Variants in ERBB4 observed in about 807,000 individuals in gnomAD.
ERBB4 encodes erb-b2 receptor tyrosine kinase 4, also known as receptor tyrosine-protein kinase erbB-4.
A neutral mutation model predicts 158.0 loss-of-function variants in ERBB4; 42 were observed. The observed-to-expected ratio is 0.27, with a 90% CI of 0.21 to 0.34. ERBB4 has a LOEUF of 0.34. Ranked by LOEUF, ERBB4 falls within the 10% of genes least tolerant of loss-of-function variation. The pLI, the probability that ERBB4 is intolerant of heterozygous loss-of-function variation, is 1.00. For missense variants in ERBB4, 1,333 were observed against 1,624.1 expected, an observed-to-expected ratio of 0.82 and a Z score of 3.08; for synonymous variants, 583 against 558.7, an observed-to-expected ratio of 1.04 and a Z score of -0.61.
rs2062625538 is a variant in ERBB4, at chr2:211,383,838, T to G, written c.3704A>C (p.Lys1235Thr). 6.2e-7 allele frequency: 1 copy of G among 1,614,150 alleles called. No individual in the cohort carries two copies. Among genetic ancestry groups the G allele is most frequent in the East Asian group, 2.2e-5 (1 of 44,872 alleles). The change falls in exon 28 of 28, where the codon AAA (lysine) becomes ACA (threonine). Residue 1235 changes from lysine (K) to threonine (T), a missense_variant. Physicochemically the swap from Lys to Thr is moderately conservative, Grantham distance 78 (BLOSUM62 -1). Coordinates refer to ENST00000342788, the MANE Select transcript of ERBB4 (RefSeq NM_005235.3). The part of the protein sequence containing the change: ...NILSMPEKAK[K>T]AFDNPDYWNH... Reference sequence around the variant, plus strand: ...CCAGTAGTCAGGGTTGTCAAACGCTTTCTTGGCCTTCTCTGGCATTGACAG... The same window carrying G: ...CCAGTAGTCAGGGTTGTCAAACGCTGTCTTGGCCTTCTCTGGCATTGACAG...
At chr2:211,493,772 G>T (rs1249592460) in intron 20 of ERBB4, among the ~76,000 whole-genome samples, 2 of 151,960 alleles carry the variant, frequency 1.3e-5, no homozygotes, top group African/African-American at 2.4e-5. Context: ...TGTTAACTAG[G>T]TTAATAAATC....
intron 2 of ERBB4, among the ~76,000 whole-genome samples, chr2:212,058,787 A>G (rs2077663967): frequency 6.6e-6 from 1 of 152,214 alleles, no homozygotes; most frequent in African/African-American, 2.4e-5. Context: ...GATGGGACGT[A>G]TCTCAAAATA....
chr2:211,843,340 G>C, intron 3 of ERBB4, among the ~76,000 whole-genome samples: 1 of 151,908 alleles, frequency 6.6e-6, no homozygotes, highest in South Asian at 2.1e-4. Context: ...AAGAAGATGC[G>C]TCCTAGAGCT....
intron 20 of ERBB4, among the ~76,000 whole-genome samples, chr2:211,504,761 C>A (rs1327628688): frequency 6.6e-6 from 1 of 151,892 alleles, no homozygotes; most frequent in Non-Finnish European, 1.5e-5. Flanking sequence ...TTTTGAAAAG[C>A]CAAAGAGAAC....
At chr2:212,004,602 T>G (rs1430436126) in intron 2 of ERBB4, among the ~76,000 whole-genome samples, 1 of 152,160 alleles carries the variant, frequency 6.6e-6, no homozygotes, top group Non-Finnish European at 1.5e-5. Context: ...ACTGATTGAT[T>G]CCAGGACTTT....
At chr2:211,590,220 G>T (rs1323082864) in intron 19 of ERBB4, among the ~76,000 whole-genome samples, 1 of 152,154 alleles carries the variant, frequency 6.6e-6, no homozygotes, top group Non-Finnish European at 1.5e-5. Context: ...CCTCCAAGCT[G>T]TCCTTATTCA....
At chr2:211,944,193 A>AGTG (rs765902597) in intron 3 of ERBB4, among the ~76,000 whole-genome samples, 15,544 of 64,240 alleles carry the variant, frequency 0.24, 1,703 homozygotes, top group East Asian at 0.5. Context: ...ATATATATAT[A>AGTG]TATATACTAT....
At chr2:211,996,234 A>G (rs912597786) in intron 2 of ERBB4, among the ~76,000 whole-genome samples, 8 of 152,058 alleles carry the variant, frequency 5.3e-5, no homozygotes, top group Non-Finnish European at 1.2e-4. Flanking sequence ...GCAAGACTCC[A>G]TATCTTTTCA....
rs191257552 is a variant in ERBB4, at chr2:212,264,708, A to G, written c.83-139805T>C. 4.9e-3 allele frequency among the ~76,000 whole-genome samples: 747 copies of G among 152,258 alleles called. 7 individuals carry two copies. The highest frequency in any genetic ancestry group is 0.017 in the Middle Eastern group (5 of 294). On this transcript the variant is annotated intron_variant, in intron 1 of 27. Coordinates refer to ENST00000342788, the MANE Select transcript of ERBB4 (RefSeq NM_005235.3). ...GGGAATTAAGTTTCTCTCATATTTT[A>G]TTTTATGTCTAAATCTGAGATCAGA...
intron 20 of ERBB4, among the ~76,000 whole-genome samples, chr2:211,525,765 A>C (rs1472502992): frequency 2.0e-5 from 3 of 152,106 alleles, no homozygotes; most frequent in Admixed American, 1.3e-4. Context: ...GAGCTGACCG[A>C]AGAGCTTTGG....
chr2:212,456,523 T>C (rs1234971938), intron 1 of ERBB4, among the ~76,000 whole-genome samples: 2 of 151,770 alleles, frequency 1.3e-5, no homozygotes, highest in Non-Finnish European at 2.9e-5. Flanking sequence ...GTCTGCTGTT[T>C]ATAAATACCA....
intron 1 of ERBB4, among the ~76,000 whole-genome samples, chr2:212,245,566 C>G (rs1300960661): frequency 2.0e-5 from 3 of 152,078 alleles, no homozygotes; most frequent in African/African-American, 7.2e-5. Context: ...TGGGATGAAA[C>G]TGTAGAGAAG....
intron 1 of ERBB4, among the ~76,000 whole-genome samples, chr2:212,268,386 G>T (rs563824824): frequency 6.6e-6 from 1 of 151,934 alleles, no homozygotes; most frequent in African/African-American, 2.4e-5. Context: ...GCAGCTCTTT[G>T]AAACATTAAT....
At chr2:212,282,815 G>A (rs1213363981) in intron 1 of ERBB4, among the ~76,000 whole-genome samples, 1 of 151,916 alleles carries the variant, frequency 6.6e-6, no homozygotes, top group Admixed American at 6.6e-5. Context: ...ATCACTGGAA[G>A]TAACAGGATG....
intron 2 of ERBB4, among the ~76,000 whole-genome samples, chr2:212,051,638 T>C (rs2077402549): frequency 6.6e-6 from 1 of 152,168 alleles, no homozygotes; most frequent in African/African-American, 2.4e-5. Context: ...ACACATAATT[T>C]AAAGAAAATC....
chr2:212,040,012 CTA>C (rs886418961), intron 2 of ERBB4, among the ~76,000 whole-genome samples: 3 of 151,612 alleles, frequency 2.0e-5, no homozygotes, highest in African/African-American at 7.3e-5. Flanking sequence ...TTTAAGTGAA[CTA>C]TGTTTTTTTT....
intron 1 of ERBB4, among the ~76,000 whole-genome samples, chr2:212,212,754 C>T (rs2082977799): frequency 6.6e-6 from 1 of 151,862 alleles, no homozygotes; most frequent in African/African-American, 2.4e-5. Context: ...AGACCTCAGA[C>T]ATAACACCAC....
At chr2:211,475,907 G>A (rs2125536560) in intron 20 of ERBB4, among the ~76,000 whole-genome samples, 1 of 152,198 alleles carries the variant, frequency 6.6e-6, no homozygotes, top group Non-Finnish European at 1.5e-5. Flanking sequence ...TTATGTAATA[G>A]AGTAGTGGAA....
intron 19 of ERBB4, among the ~76,000 whole-genome samples, chr2:211,576,050 T>C (rs1017016432): frequency 1.3e-5 from 2 of 152,134 alleles, no homozygotes; most frequent in African/African-American, 4.8e-5. Flanking sequence ...GGGGATCCAG[T>C]TGGAGGTAAC....
Sources: gnomAD v4.1 joint callset for allele counts (sites outside exome capture counted in the v4.1 genomes callset) on GRCh38, gnomAD v4.1.1 for gene constraint, MANE v1.5 for transcripts, NCBI Gene and HGNC (gene_info 2026-07-23, HGNC 2026-07-21) for gene names.